The following SPATA13 variants were observed in gnomAD, a reference collection of about 807,000 sequenced individuals.
SPATA13 encodes the protein spermatogenesis associated 13.
SPATA13 carries 50 observed loss-of-function variants against 104.0 expected under a neutral mutation model. The observed-to-expected ratio is 0.48, with a 90% CI of 0.38 to 0.61. The LOEUF (loss-of-function observed/expected upper bound fraction) is 0.61, where lower values mean the gene tolerates loss of function less well. Ranked by LOEUF, SPATA13 falls within the 20% of genes least tolerant of loss-of-function variation. The pLI is 0.00. For synonymous variants in SPATA13, 606 were observed against 667.5 expected (o/e 0.91, Z 1.42); for missense variants, 1,524 against 1,690.6 (o/e 0.90, Z 1.73).
intron 3 of SPATA13, among the ~76,000 whole-genome samples, chr13:24,094,918 G>T (rs1939981855): frequency 6.6e-6 from 1 of 152,210 alleles, no homozygotes; most frequent in Non-Finnish European, 1.5e-5. Flanking sequence ...AAGTGTTGGT[G>T]AGGATGTGGG....
intron 1 of SPATA13, among the ~76,000 whole-genome samples, chr13:24,167,031 A>C (rs770668170): frequency 2.0e-5 from 3 of 152,216 alleles, no homozygotes; most frequent in Admixed American, 6.5e-5. Flanking sequence ...CTTTAAATAC[A>C]TTGGTGCCTA....
upstream of SPATA13, among the ~76,000 whole-genome samples, chr13:24,156,889 C>A (rs567664902): frequency 6.6e-6 from 1 of 152,304 alleles, no homozygotes; most frequent in African/African-American, 2.4e-5. Flanking sequence ...CCTTATGTGC[C>A]AGAGGCATCT....
At chr13:24,100,416 G>A (rs1311662328) in intron 3 of SPATA13, among the ~76,000 whole-genome samples, 2 of 152,170 alleles carry the variant, frequency 1.3e-5, no homozygotes, top group Non-Finnish European at 2.9e-5. Flanking sequence ...TGTAATAAAT[G>A]TGTTTATTGA....
In SPATA13 at chr13:24,286,436, A is replaced by T; in HGVS notation, c.2481+43A>T. ...GCAGCTTTTCCAAAGTACCTGGGGGAGCTGCAGGATCCTTTCAGGTCAGAA... is the reference window on the plus strand; with the variant it reads ...GCAGCTTTTCCAAAGTACCTGGGGGTGCTGCAGGATCCTTTCAGGTCAGAA... On this transcript the variant is annotated intron_variant, in intron 6 of 12. Transcript: ENST00000382108. The surrounding 1 kb of genome is among the most constrained non-coding windows in gnomAD (Gnocchi z 4.9). 1 of 1,582,488 alleles carries T rather than the reference A, an allele frequency of 6.3e-7. No individual in the cohort carries two copies. The highest frequency in any genetic ancestry group is 2.2e-5 in the East Asian group (1 of 44,534).
intron 3 of SPATA13, among the ~76,000 whole-genome samples, chr13:24,058,231 G>A (rs1185802016): frequency 1.3e-5 from 2 of 151,830 alleles, no homozygotes; most frequent in Admixed American, 1.3e-4. Context: ...TGGAAGGAAG[G>A]ATTCTAGTGT....
intron 1 of SPATA13, among the ~76,000 whole-genome samples, chr13:23,981,068 A>G (rs1196993802): frequency 6.6e-6 from 1 of 152,232 alleles, no homozygotes; most frequent in African/African-American, 2.4e-5. Flanking sequence ...AAAGAAAAAT[A>G]TATAAAGCCG....
intron 4 of SPATA13, among the ~76,000 whole-genome samples, chr13:24,283,603 A>T (rs1437737467): frequency 1.3e-5 from 2 of 152,230 alleles, no homozygotes; most frequent in Non-Finnish European, 2.9e-5. Context: ...AAAGTACTAT[A>T]TAATTCCTCA....
intron 3 of SPATA13, among the ~76,000 whole-genome samples, chr13:24,058,311 T>G (rs1878644225): frequency 6.6e-6 from 1 of 151,876 alleles, no homozygotes; most frequent in South Asian, 2.1e-4. Context: ...GAAAACTCAC[T>G]CACCTGATTC....
At chr13:24,236,269 A>G (rs1420094196) in intron 2 of SPATA13, among the ~76,000 whole-genome samples, 1 of 152,198 alleles carries the variant, frequency 6.6e-6, no homozygotes, top group Non-Finnish European at 1.5e-5. Flanking sequence ...GACATAAATG[A>G]TATCTTCAAC....
chr13:24,176,622 C>T (rs1206565846), intron 1 of SPATA13, among the ~76,000 whole-genome samples: 2 of 152,074 alleles, frequency 1.3e-5, no homozygotes, highest in Non-Finnish European at 2.9e-5. Flanking sequence ...AAATGACCCT[C>T]AGTCAGCCTT....
intron 1 of SPATA13, among the ~76,000 whole-genome samples, chr13:24,195,739 A>G (rs1375260117): frequency 6.6e-6 from 1 of 152,140 alleles, no homozygotes; most frequent in Non-Finnish European, 1.5e-5. Flanking sequence ...TCACTGTAAT[A>G]TCTGATTTTG....
chr13:24,031,719 C>T (rs755115298), intron 3 of SPATA13, among the ~76,000 whole-genome samples: 1 of 152,124 alleles, frequency 6.6e-6, no homozygotes, highest in African/African-American at 2.4e-5. Context: ...TAATCTTGGA[C>T]CTTCTCTCTC....
chr13:24,264,074 A>G (rs904949139), intron 4 of SPATA13, among the ~76,000 whole-genome samples: 25 of 152,206 alleles, frequency 1.6e-4, no homozygotes, highest in African/African-American at 6.0e-4. Context: ...ATTGTTGCCT[A>G]TCATCGAGAT....
Position 24,200,450 on chromosome 13 carries a change from C to T in SPATA13, c.-111-22369C>T, listed in dbSNP as rs150518345. ...ACAAGTAAACACCATGTATGCACTG[C>T]GCAACCTGAAACGTGAAATGCTACC... is the stretch of plus-strand genomic sequence containing the variant. On this transcript the variant is annotated intron_variant, in intron 1 of 12. Transcript: ENST00000382108. 1.6e-4 allele frequency among the ~76,000 whole-genome samples: 24 copies of T among 152,184 alleles called. 1 individual carries two copies. Among genetic ancestry groups the T allele is most frequent in the African/African-American group, 4.8e-4 (20 of 41,504 alleles).
chr13:24,081,305 G>A (rs1218511427), intron 3 of SPATA13, among the ~76,000 whole-genome samples: 3 of 152,142 alleles, frequency 2.0e-5, no homozygotes, highest in Non-Finnish European at 2.9e-5. Flanking sequence ...TAATCTATAT[G>A]AGGCCCTTCT....
chr13:24,297,599 G>T lies in SPATA13; in HGVS notation c.3447G>T (p.Val1149=). Reference sequence around the variant, plus strand: ...GCGACAAGGACTGCAACCTCAGCGTGAAAAATGCCTTCAAGCTCGTCAGTA... The same window carrying T: ...GCGACAAGGACTGCAACCTCAGCGTTAAAAATGCCTTCAAGCTCGTCAGTA... ...DGRDKDCNLS[V]KNAFKLVSRT... Residue 1149 remains valine (V), a synonymous_variant, in exon 11 of 13, where the codon GTG becomes GTT. Transcript: ENST00000382108. 1 of 1,614,236 alleles carries T rather than the reference G, an allele frequency of 6.2e-7. No individual in the cohort carries two copies. Among genetic ancestry groups the T allele is most frequent in the Non-Finnish European group, 8.5e-7 (1 of 1,180,040 alleles).
At chr13:24,251,660 G>A (rs1453866001) in intron 3 of SPATA13, 58 bp from the exon 4 acceptor site, 4 of 1,599,568 alleles carry the variant, frequency 2.5e-6, no homozygotes, top group Admixed American at 3.4e-5. Flanking sequence ...CGTGTGAGGT[G>A]CTTGCAAGAG....
At chr13:24,176,365 T>C (rs996695893) in intron 1 of SPATA13, among the ~76,000 whole-genome samples, 2 of 152,178 alleles carry the variant, frequency 1.3e-5, no homozygotes, top group African/African-American at 4.8e-5. Flanking sequence ...AGTTACAACT[T>C]TGGAAGGGCA....
At chr13:24,043,443 C>T (rs1878008550) in intron 3 of SPATA13, among the ~76,000 whole-genome samples, 1 of 151,706 alleles carries the variant, frequency 6.6e-6, no homozygotes, top group African/African-American at 2.4e-5. Context: ...ACACTGAGAA[C>T]ATTGCACCTC....
Sources: allele counts gnomAD v4.1 joint callset (sites outside exome capture counted in the v4.1 genomes callset), GRCh38; gene constraint gnomAD v4.1.1; non-coding constraint Gnocchi (gnomAD v3.1); transcripts MANE v1.5; gene names NCBI Gene and HGNC (gene_info 2026-07-23, HGNC 2026-07-21).